The following MTMR10 variants were observed in gnomAD, a reference collection of about 807,000 sequenced individuals.
The protein encoded by MTMR10 is myotubularin-related protein 10.
MTMR10 carries 56 observed loss-of-function variants against 88.1 expected under a neutral mutation model. The observed-to-expected ratio is 0.64, with a 90% confidence interval of 0.51 to 0.79. The LOEUF (loss-of-function observed/expected upper bound fraction) is 0.79, where lower values mean the gene tolerates loss of function less well. Ranked by LOEUF, MTMR10 falls within the 30% of genes least tolerant of loss-of-function variation. MTMR10 has a pLI of 0.00. For missense variants in MTMR10, 883 were observed against 924.7 expected, an observed-to-expected ratio of 0.95 and a Z score of 0.58; for synonymous variants, 380 against 340.9, an observed-to-expected ratio of 1.11 and a Z score of -1.26.
intron 14 of MTMR10, among the ~76,000 whole-genome samples, chr15:30,944,538 C>T (rs1217688185): frequency 6.7e-6 from 1 of 149,764 alleles, no homozygotes; most frequent in Non-Finnish European, 1.5e-5. Context: ...TGTGCTCCAG[C>T]CTGGGTGATA....
intron 14 of MTMR10, chr15:30,943,369 T>C: frequency 1.0e-6 from 1 of 985,106 alleles, no homozygotes; most frequent in Non-Finnish European, 1.2e-6. Flanking sequence ...ACTAACATGA[T>C]ACTAGAAAGT....
In MTMR10 at chr15:30,961,003, A is replaced by G. The variant is rs1433625326; in HGVS notation, c.636T>C (p.Gly212=). Reference sequence around the variant, plus strand: ...AGAGTGGAGTTTTCTGGCTGCTGCCACCACCAGCTCCATTACCTCCTCCTC... The same window carrying G: ...AGAGTGGAGTTTTCTGGCTGCTGCCGCCACCAGCTCCATTACCTCCTCCTC... ...GGGGGGNGAG[G]GSSQKTPLFE... The change falls in exon 7 of 16, where the codon GGT becomes GGC. Residue 212 remains glycine, a synonymous_variant. Coordinates refer to ENST00000435680, the MANE Select transcript of MTMR10 (RefSeq NM_017762.3). 4 of 1,581,298 alleles carry G rather than the reference A, an allele frequency of 2.5e-6. No individual in the cohort carries two copies. Among genetic ancestry groups the G allele is most frequent in the Middle Eastern group, 1.7e-4 (1 of 6,056 alleles).
At chr15:30,956,132 A>G (rs927714399) in intron 9 of MTMR10, 1 of 152,166 alleles carries the variant, frequency 6.6e-6, no homozygotes, top group Non-Finnish European at 1.5e-5. Flanking sequence ...GGTTTCCTCT[A>G]TGCACCTTTA....
At chr15:30,980,657 G>A (rs538481931) in intron 2 of MTMR10, among the ~76,000 whole-genome samples, 60 of 152,240 alleles carry the variant, frequency 3.9e-4, no homozygotes, top group African/African-American at 1.4e-3. Context: ...TTAGAGAAAT[G>A]GCTGATTCCA....
At chr15:30,929,517 CATAT>C in the MTMR10 span, 1 of 472,600 alleles carries the variant, frequency 2.1e-6, no homozygotes, top group Non-Finnish European at 3.6e-6. Context: ...TATGTGTGTG[CATAT>C]ATATGATATA....
In MTMR10 at chr15:30,990,778, T is replaced by C; in HGVS notation, c.120A>G (p.Pro40=). Residue 40 remains proline (P), a splice_region_variant and synonymous_variant, in exon 2 of 16, where the codon CCA becomes CCG. Coordinates refer to ENST00000435680, the MANE Select transcript of MTMR10 (RefSeq NM_017762.3). ...GTTAGAATCCTAACTAATGTTTACCTGGCAAAAGGACTGGCTCCAGTTTTT... is the reference window on the plus strand; with the variant it reads ...GTTAGAATCCTAACTAATGTTTACCCGGCAAAAGGACTGGCTCCAGTTTTT... ...KIKKLEPVLL[P]GEIVVNEVNF... 1 of 1,609,182 alleles carries C rather than the reference T, an allele frequency of 6.2e-7. No homozygotes were observed.
intron 2 of MTMR10, among the ~76,000 whole-genome samples, chr15:30,977,191 A>G (rs1170107358): frequency 6.6e-6 from 1 of 152,248 alleles, no homozygotes; most frequent in Non-Finnish European, 1.5e-5. Flanking sequence ...TGGTTGAACC[A>G]GAAAGGCTGA....
At chr15:30,952,979 A>G (rs2063271497) in intron 11 of MTMR10, among the ~76,000 whole-genome samples, 2 of 152,066 alleles carry the variant, frequency 1.3e-5, no homozygotes, top group Admixed American at 6.5e-5. Context: ...TAGCAGAGAC[A>G]AGGTTTCACC....
chr15:30,969,377 C>T (rs960771687), intron 5 of MTMR10, among the ~76,000 whole-genome samples: 6 of 152,062 alleles, frequency 3.9e-5, no homozygotes, highest in Admixed American at 1.3e-4. Flanking sequence ...TATCTATATT[C>T]CCATTCCTAA....
chr15:30,971,957 G>A (rs1566962303), intron 5 of MTMR10, among the ~76,000 whole-genome samples: 3 of 152,090 alleles, frequency 2.0e-5, no homozygotes, highest in Admixed American at 1.3e-4. Flanking sequence ...ACACCAACAA[G>A]ACAACCAGAA....
chr15:30,936,961 G>T (rs1180439879), downstream of MTMR10, among the ~76,000 whole-genome samples: 3 of 152,166 alleles, frequency 2.0e-5, no homozygotes, highest in African/African-American at 4.8e-5. Flanking sequence ...GTGAACCATT[G>T]TAAGTGAAGG....
intron 11 of MTMR10, among the ~76,000 whole-genome samples, chr15:30,952,796 AT>A (rs901715930): frequency 4.8e-4 from 71 of 147,800 alleles, no homozygotes; most frequent in East Asian, 2.0e-3. Flanking sequence ...CACTTTGTAA[AT>A]TTTTTTTTTT....
chr15:30,921,847 T>C, the MTMR10 span, among the ~76,000 whole-genome samples: 3 of 152,342 alleles, frequency 2.0e-5, no homozygotes, highest in South Asian at 6.2e-4. Flanking sequence ...CAAATCCCTC[T>C]TGCAGTTGGT....
chr15:30,950,711 T>C (rs927573365), intron 12 of MTMR10, among the ~76,000 whole-genome samples: 2 of 152,132 alleles, frequency 1.3e-5, no homozygotes, highest in African/African-American at 4.8e-5. Flanking sequence ...AGCAACATTT[T>C]GTATTCATAT....
chr15:30,962,964 A>G (rs2955787), intron 6 of MTMR10, among the ~76,000 whole-genome samples: 114,887 of 152,064 alleles, frequency 0.76, 43,581 homozygotes, highest in East Asian at 0.87. Flanking sequence ...AAAAGATGGT[A>G]TAACTGTATA....
At chr15:30,930,503 C>T in the MTMR10 span, 2 of 1,559,116 alleles carry the variant, frequency 1.3e-6, no homozygotes, top group Admixed American at 4.3e-5. Context: ...CATTCTCTGT[C>T]ACGAGGGAAG....
At chr15:30,984,430 C>A (rs1490531723) in intron 2 of MTMR10, among the ~76,000 whole-genome samples, 1 of 152,146 alleles carries the variant, frequency 6.6e-6, no homozygotes, top group African/African-American at 2.4e-5. Flanking sequence ...AATGCATTCA[C>A]AAATTAAAAT....
intron 12 of MTMR10, among the ~76,000 whole-genome samples, chr15:30,950,955 G>A (rs2063236267): frequency 6.6e-6 from 1 of 152,094 alleles, no homozygotes; most frequent in African/African-American, 2.4e-5. Context: ...ACTGTTTAGA[G>A]AATAATGACA....
chr15:30,935,837 C>CTT (rs1026590545), downstream of MTMR10, among the ~76,000 whole-genome samples: 3 of 151,668 alleles, frequency 2.0e-5, no homozygotes, highest in African/African-American at 7.3e-5. Flanking sequence ...ATCAGAGAAT[C>CTT]TTTTTTTTTC....
Sources: gnomAD v4.1 joint callset for allele counts (sites outside exome capture counted in the v4.1 genomes callset) on GRCh38, gnomAD v4.1.1 for gene constraint, MANE v1.5 for transcripts, NCBI Gene and HGNC (gene_info 2026-07-23, HGNC 2026-07-21) for gene names.